The following PAK1 variants were observed in gnomAD, a reference collection of about 807,000 sequenced individuals.
PAK1 encodes the protein serine/threonine-protein kinase PAK 1.
In PAK1, 29 loss-of-function variants were observed where a neutral mutation model predicts 67.4. The ratio of observed to expected loss-of-function variants is 0.43; its 90% CI spans 0.32 to 0.59. PAK1 has a LOEUF of 0.59. Among genes scored for constraint, PAK1 ranks in the 20% least tolerant of loss-of-function variants. The pLI, the probability that PAK1 is intolerant of heterozygous loss-of-function variation, is 0.07. For missense variants in PAK1, 337 were observed against 670.7 expected, an observed-to-expected ratio of 0.50 and a Z score of 5.50; for synonymous variants, 223 against 237.4, an observed-to-expected ratio of 0.94 and a Z score of 0.56.
At chr11:77,325,612 G>A (rs1050796204) in intron 14 of PAK1, among the ~76,000 whole-genome samples, 2 of 152,068 alleles carry the variant, frequency 1.3e-5, no homozygotes, top group African/African-American at 4.8e-5. Context: ...CTAATCGCAG[G>A]CTTAGCATAT....
At chr11:77,506,381 A>G in the PAK1 span, among the ~76,000 whole-genome samples, 1 of 152,228 alleles carries the variant, frequency 6.6e-6, no homozygotes, top group Non-Finnish European at 1.5e-5. Flanking sequence ...GTCATGCCAG[A>G]TCAAACCTGG....
At chr11:77,453,311 G>A (rs1371281102) in intron 1 of PAK1, among the ~76,000 whole-genome samples, 1 of 152,020 alleles carries the variant, frequency 6.6e-6, no homozygotes, top group Admixed American at 6.6e-5. Context: ...CCGAGATCGC[G>A]CCATTGCACT....
chr11:77,426,583 T>C (rs1046848217), intron 1 of PAK1, among the ~76,000 whole-genome samples: 2 of 152,118 alleles, frequency 1.3e-5, no homozygotes, highest in African/African-American at 4.8e-5. Context: ...CAAACAATTA[T>C]AGAATAAAAG....
the PAK1 span, among the ~76,000 whole-genome samples, chr11:77,513,559 T>C: frequency 2.0e-5 from 3 of 150,300 alleles, no homozygotes; most frequent in African/African-American, 7.4e-5. Flanking sequence ...TAGTCCCAGC[T>C]TCTAGGGAGT....
intron 1 of PAK1, among the ~76,000 whole-genome samples, chr11:77,440,558 T>C (rs1956310556): frequency 6.6e-6 from 1 of 152,056 alleles, no homozygotes; most frequent in Non-Finnish European, 1.5e-5. Context: ...CACAGGTAAA[T>C]AGAAAACCTG....
chr11:77,481,728 C>T, the PAK1 span, among the ~76,000 whole-genome samples: 1 of 149,910 alleles, frequency 6.7e-6, no homozygotes, highest in African/African-American at 2.5e-5. Context: ...TTGCTAGATT[C>T]TATTTTTATG....
At chr11:77,481,793 G>A in the PAK1 span, among the ~76,000 whole-genome samples, 1 of 151,802 alleles carries the variant, frequency 6.6e-6, no homozygotes, top group East Asian at 1.9e-4. Context: ...ACTATATTGT[G>A]TCTTCCTGTA....
chr11:77,474,954 C>CTTAACCTA, upstream of PAK1: 2 of 152,278 alleles, frequency 1.3e-5, no homozygotes, highest in African/African-American at 4.8e-5. Context: ...GGTTGCCTTG[C>CTTAACCTA]TTGAAATCCT....
At chr11:77,344,969 T>G (rs1344609894) in intron 9 of PAK1, among the ~76,000 whole-genome samples, 1 of 152,200 alleles carries the variant, frequency 6.6e-6, no homozygotes, top group African/African-American at 2.4e-5. Context: ...CCCCTTCCTT[T>G]GTTCAGAATC....
chr11:77,371,223 G>A (rs1429198839), intron 5 of PAK1, among the ~76,000 whole-genome samples: 1 of 152,158 alleles, frequency 6.6e-6, no homozygotes, highest in Non-Finnish European at 1.5e-5. Context: ...ACAGAATTTA[G>A]AGCTAAAAGG....
chr11:77,414,554 T>C (rs1252242164), intron 1 of PAK1, among the ~76,000 whole-genome samples: 2 of 152,208 alleles, frequency 1.3e-5, no homozygotes, highest in Admixed American at 6.5e-5. Flanking sequence ...AAAACATAAA[T>C]AGATCAGTGG....
At chr11:77,477,499 G>C (rs372663832), upstream of PAK1, among the ~76,000 whole-genome samples, 5 of 144,570 alleles carry the variant, frequency 3.5e-5, no homozygotes, top group Admixed American at 7.4e-5. Flanking sequence ...GGGAGGCCAA[G>C]GTGGGCAGAT....
intron 1 of PAK1, among the ~76,000 whole-genome samples, chr11:77,471,075 C>G (rs1034344731): frequency 2.0e-5 from 3 of 152,212 alleles, no homozygotes; most frequent in Non-Finnish European, 2.9e-5. Context: ...ATTATTCATT[C>G]AACAAATACT....
chr11:77,525,012 T>A, the PAK1 span, among the ~76,000 whole-genome samples: 1 of 152,124 alleles, frequency 6.6e-6, no homozygotes, highest in Non-Finnish European at 1.5e-5. Context: ...TACAATGAGA[T>A]GTTTTTCAAA....
chr11:77,503,269 G>A, the PAK1 span, among the ~76,000 whole-genome samples: 2 of 152,300 alleles, frequency 1.3e-5, no homozygotes, highest in South Asian at 2.1e-4. Flanking sequence ...GGGAGCCTCC[G>A]AGAGACAGAT....
In PAK1 at chr11:77,373,157, A is replaced by G. The variant is rs1948652406; in HGVS notation, c.477+1171T>C. On this transcript the variant is annotated intron_variant, in intron 5 of 14. Transcript: ENST00000356341. ...GTCACTTATTCACACCGGACTTGGC[A>G]TAGGATAAACTAGGGCTTTTGCAAA... Among the ~76,000 whole-genome samples, 4 of 152,176 alleles carry G rather than the reference A, an allele frequency of 2.6e-5. No individual in the cohort carries two copies. In the South Asian group the frequency reaches 8.3e-4, roughly 32 times the overall value.
At chr11:77,438,250 A>C (rs1956214026) in intron 1 of PAK1, among the ~76,000 whole-genome samples, 1 of 152,092 alleles carries the variant, frequency 6.6e-6, no homozygotes, top group African/African-American at 2.4e-5. Context: ...GGTGCCACAC[A>C]CTTTTAAACA....
intron 2 of PAK1, among the ~76,000 whole-genome samples, chr11:77,390,645 C>A (rs138927665): frequency 6.6e-5 from 10 of 150,796 alleles, no homozygotes; most frequent in Admixed American, 5.3e-4. Context: ...TACAGGCACA[C>A]GCCACCATGC....
intron 1 of PAK1, among the ~76,000 whole-genome samples, chr11:77,433,704 G>A (rs1396751035): frequency 6.6e-6 from 1 of 152,166 alleles, no homozygotes; most frequent in South Asian, 2.1e-4. Flanking sequence ...GCTTGAACAC[G>A]GGAGACAGAG....
Sources: gnomAD v4.1 joint callset for allele counts (sites outside exome capture counted in the v4.1 genomes callset) on GRCh38, gnomAD v4.1.1 for gene constraint, MANE v1.5 for transcripts, NCBI Gene and HGNC (gene_info 2026-07-23, HGNC 2026-07-21) for gene names.